The following SGIP1 variants were observed in gnomAD, a reference collection of about 807,000 sequenced individuals.
SGIP1 encodes SH3-containing GRB2-like protein 3-interacting protein 1.
SGIP1 carries 38 observed loss-of-function variants against 107.5 expected under a neutral mutation model. The ratio of observed to expected loss-of-function variants is 0.35; its 90% CI spans 0.27 to 0.46. SGIP1 has a LOEUF of 0.46. Among genes scored for constraint, SGIP1 ranks in the 20% least tolerant of loss-of-function variants. SGIP1 has a pLI of 1.00. For synonymous variants in SGIP1, 365 were observed against 366.1 expected (o/e 1.00, Z 0.03); for missense variants, 929 against 1,019.5 (o/e 0.91, Z 1.21).
intron 1 of SGIP1, among the ~76,000 whole-genome samples, chr1:66,617,335 C>T (rs527256743): frequency 7.9e-5 from 12 of 152,064 alleles, no homozygotes; most frequent in Non-Finnish European, 1.8e-4. Flanking sequence ...ATCACTGGAC[C>T]AACTGGCCTC....
chr1:66,534,009 A>G (rs777563132), upstream of SGIP1: 4 of 317,548 alleles, frequency 1.3e-5, no homozygotes, highest in Non-Finnish European at 2.3e-5. Context: ...GACGGGAAAT[A>G]GGTTCTGTGT....
intron 17 of SGIP1, chr1:66,694,412 A>G (rs753131937): frequency 1.3e-6 from 2 of 1,595,898 alleles, no homozygotes; most frequent in South Asian, 1.1e-5. Flanking sequence ...TTTGTTTTCC[A>G]TTCGTTTATG....
intron 2 of SGIP1, among the ~76,000 whole-genome samples, chr1:66,631,091 GAAA>G (rs2074544870): frequency 1.5e-5 from 2 of 137,832 alleles, no homozygotes; most frequent in Non-Finnish European, 3.2e-5. Context: ...AAGAAAGAAA[GAAA>G]GAAAGAAAAA....
At chr1:66,543,270 G>A (rs1179311292) in intron 1 of SGIP1, among the ~76,000 whole-genome samples, 3 of 152,106 alleles carry the variant, frequency 2.0e-5, no homozygotes, top group Non-Finnish European at 2.9e-5. Context: ...TTCCCACCAC[G>A]AACAAAAGCC....
At chr1:66,627,688 T>C (rs1422270234) in intron 2 of SGIP1, among the ~76,000 whole-genome samples, 1 of 152,236 alleles carries the variant, frequency 6.6e-6, no homozygotes, top group Non-Finnish European at 1.5e-5. Flanking sequence ...TTTTTCTAAA[T>C]AATTAAGTTA....
At chr1:66,600,754 C>A (rs2065644054) in intron 1 of SGIP1, among the ~76,000 whole-genome samples, 1 of 152,128 alleles carries the variant, frequency 6.6e-6, no homozygotes, top group Non-Finnish European at 1.5e-5. Context: ...GCCATGCAAG[C>A]CTGTGGGTTT....
chr1:66,676,678 T>C (rs1345770855), intron 12 of SGIP1, among the ~76,000 whole-genome samples: 1 of 152,122 alleles, frequency 6.6e-6, no homozygotes, highest in Non-Finnish European at 1.5e-5. Flanking sequence ...TTCAAATGGG[T>C]ACCTGAAACA....
chr1:66,747,361 A>G lies in SGIP1; in HGVS notation c.*4266A>G, dbSNP rs12741804. 1 of 152,008 alleles carries G rather than the reference A, an allele frequency of 6.6e-6. No homozygotes were observed. Among genetic ancestry groups the G allele is most frequent in the Non-Finnish European group, 1.5e-5 (1 of 67,912 alleles). The allele number at this position is 152,008 out of a possible 1,614,324, so 9.4% of individuals were successfully genotyped here. A position where few individuals can be genotyped will look rare whatever the true frequency, so the allele number is the denominator to read the frequency against. ...AGTCAGTTTATTTTTCATTCAGTCC[A>G]CTTAATTTCCTCCAATCTTAAAAAA... On this transcript the variant is annotated 3_prime_UTR_variant, in exon 25 of 25. Coordinates refer to ENST00000371037, the MANE Select transcript of SGIP1 (RefSeq NM_032291.4).
At chr1:66,649,919 C>G (rs563426636) in intron 7 of SGIP1, among the ~76,000 whole-genome samples, 1 of 152,226 alleles carries the variant, frequency 6.6e-6, no homozygotes, top group South Asian at 2.1e-4. Context: ...ATGTTGAAAA[C>G]CCAGTGCCTT....
At chr1:66,696,018 T>C (rs1418926308) in intron 18 of SGIP1, among the ~76,000 whole-genome samples, 1 of 152,170 alleles carries the variant, frequency 6.6e-6, no homozygotes, top group Admixed American at 6.5e-5. Flanking sequence ...AAAAAGGAGT[T>C]TATTAGTAAG....
chr1:66,714,943 C>T (rs2093145162), intron 18 of SGIP1, among the ~76,000 whole-genome samples: 1 of 152,092 alleles, frequency 6.6e-6, no homozygotes. Flanking sequence ...TGCTACTAAA[C>T]AAAAACTCTC....
chr1:66,570,355 A>G (rs2060221384), intron 1 of SGIP1, among the ~76,000 whole-genome samples: 1 of 151,894 alleles, frequency 6.6e-6, no homozygotes, highest in South Asian at 2.1e-4. Context: ...TAATCCAGGT[A>G]TGCATTCCAA....
intron 5 of SGIP1, among the ~76,000 whole-genome samples, chr1:66,642,181 TC>T (rs989455412): frequency 7.9e-5 from 12 of 152,118 alleles, no homozygotes; most frequent in African/African-American, 2.9e-4. Flanking sequence ...TAGTCTCATC[TC>T]CCCATCTCCC....
intron 1 of SGIP1, among the ~76,000 whole-genome samples, chr1:66,575,995 CG>C (rs2061008931): frequency 6.6e-6 from 1 of 152,136 alleles, no homozygotes; most frequent in South Asian, 2.1e-4. Flanking sequence ...CCTAGGAACA[CG>C]TGTGCACTGC....
rs1215052706 is a variant in SGIP1 at position 66,682,382 on chromosome 1, C to G, written c.1315+13C>G. 4 of 1,589,152 alleles carry G rather than the reference C, an allele frequency of 2.5e-6. No individual in the cohort carries two copies. The highest frequency in any genetic ancestry group is 3.4e-6 in the Non-Finnish European group (4 of 1,172,114). ...GGGACCACCAGTGGTATGTCTTATGCTTGAGTGTGCTTCTTGTGACGGGGA... is the reference window on the plus strand; with the variant it reads ...GGGACCACCAGTGGTATGTCTTATGGTTGAGTGTGCTTCTTGTGACGGGGA... On this transcript the variant is annotated intron_variant, in intron 15 of 24. Coordinates refer to ENST00000371037, the MANE Select transcript of SGIP1 (RefSeq NM_032291.4).
intron 1 of SGIP1, among the ~76,000 whole-genome samples, chr1:66,612,181 G>A (rs2068165331): frequency 6.6e-6 from 1 of 152,140 alleles, no homozygotes; most frequent in African/African-American, 2.4e-5. Flanking sequence ...GAGAGAGGAG[G>A]GGAGGAGGTG....
In SGIP1 at chr1:66,642,883, T is replaced by C. The variant is rs188657992; in HGVS notation, c.283+19T>C. On this transcript the variant is annotated intron_variant, in intron 6 of 24. Transcript: ENST00000371037. ...CCCGGCTATATCCTTTCTTTATTTT[T>C]TTATTTTAATTTTCATTCACTCTCA... 2.6e-4 allele frequency: 420 copies of C among 1,589,588 alleles called. 1 individual carries two copies. The African/African-American group carries it at 5.3e-3, about 20-fold the overall frequency.
chr1:66,690,580 ATAAG>A, intron 17 of SGIP1: 2 of 316,518 alleles, frequency 6.3e-6, no homozygotes, highest in Admixed American at 4.9e-5. Flanking sequence ...TATTCAAAAA[ATAAG>A]TAAGAAATCG....
intron 1 of SGIP1, among the ~76,000 whole-genome samples, chr1:66,555,079 G>T (rs1037130016): frequency 6.6e-6 from 1 of 151,982 alleles, no homozygotes; most frequent in Non-Finnish European, 1.5e-5. Context: ...ATGCCTCTCC[G>T]TATTTTTCTT....
Sources: allele counts gnomAD v4.1 joint callset (sites outside exome capture counted in the v4.1 genomes callset), GRCh38; gene constraint gnomAD v4.1.1; transcripts MANE v1.5; gene names NCBI Gene and HGNC (gene_info 2026-07-23, HGNC 2026-07-21).